Variants in ARL15 observed in about 807,000 individuals in gnomAD.
ARL15 encodes the protein ADP-ribosylation factor-like protein 15.
Under a neutral mutation model 25.2 loss-of-function variants are expected in ARL15, and 19 were observed. The observed-to-expected ratio is 0.75, with a 90% CI of 0.53 to 1.10. ARL15 has a LOEUF of 1.10. ARL15 is among the 50% of genes least tolerant of loss of function. The pLI is 0.00. For missense variants in ARL15, 220 were observed against 246.0 expected (o/e 0.89, Z 0.71); for synonymous variants, 94 against 86.8 (o/e 1.08, Z -0.46).
intron 4 of ARL15, among the ~76,000 whole-genome samples, chr5:54,090,649 G>C (rs80301077): frequency 0.016 from 2,454 of 151,308 alleles, 75 homozygotes; most frequent in African/African-American, 0.058. Flanking sequence ...ATATATCACA[G>C]AAAAGGAAGA....
At chr5:54,119,781 G>A (rs1753017616) in intron 3 of ARL15, among the ~76,000 whole-genome samples, 1 of 152,146 alleles carries the variant, frequency 6.6e-6, no homozygotes, top group Admixed American at 6.5e-5. Flanking sequence ...TTACTACCGT[G>A]TGAGTTGTCC....
chr5:54,202,883 T>A (rs1755762040), intron 1 of ARL15, among the ~76,000 whole-genome samples: 1 of 151,980 alleles, frequency 6.6e-6, no homozygotes, highest in East Asian at 1.9e-4. Flanking sequence ...TAGAAAAAAG[T>A]CTTCATAGAT....
chr5:53,965,211 A>G (rs1228752298), intron 4 of ARL15, among the ~76,000 whole-genome samples: 1 of 152,154 alleles, frequency 6.6e-6, no homozygotes, highest in Non-Finnish European at 1.5e-5. Context: ...TCCTTAGAAT[A>G]TATTTCTTGT....
intron 4 of ARL15, among the ~76,000 whole-genome samples, chr5:54,078,194 A>G (rs1319276074): frequency 6.6e-6 from 1 of 152,244 alleles, no homozygotes; most frequent in Non-Finnish European, 1.5e-5. Context: ...TTTTCTCATT[A>G]CTGAATCTCA....
intron 4 of ARL15, among the ~76,000 whole-genome samples, chr5:53,907,207 C>T (rs1384727812): frequency 6.6e-6 from 1 of 151,942 alleles, no homozygotes; most frequent in Admixed American, 6.6e-5. Context: ...CTCCATGTTA[C>T]TATTCCTCCC....
chr5:53,917,789 C>T (rs1417134341), intron 4 of ARL15, among the ~76,000 whole-genome samples: 1 of 152,192 alleles, frequency 6.6e-6, no homozygotes, highest in Admixed American at 6.5e-5. Flanking sequence ...AATCCCTCAT[C>T]TATCAAACTC....
At chr5:54,277,734 A>G (rs941679016) in intron 1 of ARL15, among the ~76,000 whole-genome samples, 1 of 152,180 alleles carries the variant, frequency 6.6e-6, no homozygotes, top group African/African-American at 2.4e-5. Context: ...GCTGGGTGAC[A>G]GAGTGAGACT....
At chr5:54,178,422 C>T (rs1343342202) in intron 1 of ARL15, among the ~76,000 whole-genome samples, 1 of 152,148 alleles carries the variant, frequency 6.6e-6, no homozygotes, top group African/African-American at 2.4e-5. Flanking sequence ...ATACTGGTCT[C>T]GCCAGACAGA....
intron 4 of ARL15, among the ~76,000 whole-genome samples, chr5:53,915,543 T>C (rs1356457132): frequency 2.0e-5 from 3 of 152,196 alleles, no homozygotes; most frequent in Non-Finnish European, 2.9e-5. Flanking sequence ...AGTTCTCAAG[T>C]CTAGCATTGA....
At chr5:54,261,357 G>A (rs957724544) in intron 1 of ARL15, among the ~76,000 whole-genome samples, 5 of 152,098 alleles carry the variant, frequency 3.3e-5, no homozygotes, top group African/African-American at 1.2e-4. Flanking sequence ...TTTTTGATAA[G>A]GTATCTCACC....
chr5:54,017,402 G>C (rs992723059), intron 4 of ARL15, among the ~76,000 whole-genome samples: 1 of 152,048 alleles, frequency 6.6e-6, no homozygotes, highest in African/African-American at 2.4e-5. Flanking sequence ...ACACAGAGCT[G>C]TCTCACCTCC....
chr5:54,306,528 T>C (rs1042258130), intron 1 of ARL15, among the ~76,000 whole-genome samples: 2 of 151,848 alleles, frequency 1.3e-5, no homozygotes, highest in African/African-American at 4.8e-5. Flanking sequence ...GTAGCTGAGA[T>C]TACAGGCATG....
At chr5:53,922,026 G>A (rs1007789229) in intron 4 of ARL15, among the ~76,000 whole-genome samples, 1 of 152,152 alleles carries the variant, frequency 6.6e-6, no homozygotes, top group African/African-American at 2.4e-5. Context: ...TTAGTGACAA[G>A]GTATATCCAT....
At chr5:53,996,439 C>T (rs1033845098) in intron 4 of ARL15, among the ~76,000 whole-genome samples, 3 of 152,010 alleles carry the variant, frequency 2.0e-5, no homozygotes, top group Non-Finnish European at 4.4e-5. Context: ...GCCAGCATGG[C>T]AAAACTCCGT....
chr5:54,247,573 G>T (rs1266045477), intron 1 of ARL15, among the ~76,000 whole-genome samples: 3 of 141,924 alleles, frequency 2.1e-5, no homozygotes, highest in African/African-American at 7.8e-5. Context: ...GGGAGGAAAG[G>T]AAGAGAAAAA....
chr5:54,138,630 A>T (rs1462544656), intron 3 of ARL15, among the ~76,000 whole-genome samples: 2 of 152,220 alleles, frequency 1.3e-5, no homozygotes, highest in East Asian at 3.9e-4. Flanking sequence ...TATGACTAAG[A>T]CCCCAAAAGC....
chr5:54,250,318 A>T (rs1354002327), intron 1 of ARL15, among the ~76,000 whole-genome samples: 1 of 152,166 alleles, frequency 6.6e-6, no homozygotes, highest in East Asian at 1.9e-4. Context: ...AACACGAGGA[A>T]CCACACTTCA....
chr5:53,893,334 C>T (rs1744778830), intron 4 of ARL15, among the ~76,000 whole-genome samples: 1 of 151,426 alleles, frequency 6.6e-6, no homozygotes, highest in South Asian at 2.1e-4. Context: ...AGGCTGGGCA[C>T]GGTGGCTCAC....
At chr5:53,982,556 G>A (rs1748159995) in intron 4 of ARL15, among the ~76,000 whole-genome samples, 1 of 152,094 alleles carries the variant, frequency 6.6e-6, no homozygotes, top group Non-Finnish European at 1.5e-5. Flanking sequence ...TGGTGTCTAT[G>A]TGCCATGTTT....
Sources: allele counts gnomAD v4.1 joint callset (sites outside exome capture counted in the v4.1 genomes callset), GRCh38; gene constraint gnomAD v4.1.1; transcripts MANE v1.5; gene names NCBI Gene and HGNC (gene_info 2026-07-23, HGNC 2026-07-21).